The following DYM variants were observed in gnomAD, a reference collection of about 807,000 sequenced individuals.
DYM encodes the protein dyggve-Melchior-Clausen syndrome protein.
DYM carries 78 observed loss-of-function variants against 93.1 expected under a neutral mutation model. That is an observed-to-expected ratio of 0.84 (90% CI 0.70 to 1.01). DYM has a LOEUF of 1.01. Among genes scored for constraint, DYM ranks in the 50% least tolerant of loss-of-function variants. The pLI, the probability that DYM is intolerant of heterozygous loss-of-function variation, is 0.00. For synonymous variants in DYM, 321 were observed against 319.7 expected (o/e 1.00, Z -0.04); for missense variants, 789 against 845.0 (o/e 0.93, Z 0.82).
intron 17 of DYM, among the ~76,000 whole-genome samples, chr18:49,056,595 T>G (rs2075503738): frequency 1.3e-5 from 2 of 152,332 alleles, no homozygotes; most frequent in Non-Finnish European, 2.9e-5. Flanking sequence ...TGGAGTGCAT[T>G]GGTGTGATCT....
rs1342215424 is a variant in DYM, at chr18:49,042,070, T to C, written c.*1985A>G. The stretch of plus-strand genomic sequence containing the variant: ...TATTTCCCCACATAGTAAATACATA[T>C]CCTTGCTACCTGAAATGATAATCAT... On this transcript the variant is annotated 3_prime_UTR_variant, in exon 18 of 18. Coordinates refer to ENST00000675505, the MANE Select transcript of DYM (RefSeq NM_001353214.3). 1.3e-5 allele frequency: 2 copies of C among 152,400 alleles called. No homozygotes were observed. The highest frequency in any genetic ancestry group is 6.5e-5 in the Admixed American group (1 of 15,282). 9.4% of individuals were successfully genotyped at this position (152,400 alleles called of 1,614,324 possible).
chr18:49,248,368 T>C (rs1048130622), intron 13 of DYM, among the ~76,000 whole-genome samples: 1 of 152,192 alleles, frequency 6.6e-6, no homozygotes, highest in African/African-American at 2.4e-5. Flanking sequence ...ATTCAAAATA[T>C]CTCAAAAATG....
chr18:49,086,130 A>G (rs2078502653), intron 17 of DYM, among the ~76,000 whole-genome samples: 1 of 152,170 alleles, frequency 6.6e-6, no homozygotes, highest in Non-Finnish European at 1.5e-5. Flanking sequence ...CATGTGTCCT[A>G]GTCCATTTTC....
At chr18:49,266,408 G>A (rs1349969491) in intron 11 of DYM, among the ~76,000 whole-genome samples, 1 of 152,130 alleles carries the variant, frequency 6.6e-6, no homozygotes, top group Non-Finnish European at 1.5e-5. Context: ...TTGAGACCAG[G>A]AGTTTGAGAC....
chr18:49,374,852 G>T (rs958864376), intron 5 of DYM, among the ~76,000 whole-genome samples: 10 of 152,030 alleles, frequency 6.6e-5, no homozygotes, highest in African/African-American at 2.2e-4. Context: ...CCAGATACTT[G>T]GGAGGCTGAG....
intron 6 of DYM, among the ~76,000 whole-genome samples, chr18:49,341,915 C>G (rs1270244855): frequency 6.6e-6 from 1 of 152,122 alleles, no homozygotes; most frequent in East Asian, 1.9e-4. Context: ...GTTCTATCAG[C>G]ACTGTATTAG....
At chr18:49,152,118 A>C (rs2085883298) in intron 15 of DYM, among the ~76,000 whole-genome samples, 1 of 152,186 alleles carries the variant, frequency 6.6e-6, no homozygotes, top group Non-Finnish European at 1.5e-5. Context: ...CAATGCAAAC[A>C]CATCCTATTT....
chr18:49,062,574 G>C (rs1224430588), intron 17 of DYM, among the ~76,000 whole-genome samples: 2 of 152,204 alleles, frequency 1.3e-5, no homozygotes, highest in Admixed American at 1.3e-4. Context: ...CTAGACTCCA[G>C]GTGCTTTGCA....
intron 2 of DYM, among the ~76,000 whole-genome samples, chr18:49,401,232 C>T (rs2070778510): frequency 6.6e-6 from 1 of 152,112 alleles, no homozygotes; most frequent in Non-Finnish European, 1.5e-5. Context: ...ATCTCTTAGT[C>T]AAAGTAGCTA....
At chr18:49,414,779 C>T (rs997979866) in intron 2 of DYM, among the ~76,000 whole-genome samples, 5 of 152,140 alleles carry the variant, frequency 3.3e-5, no homozygotes, top group African/African-American at 1.2e-4. Context: ...CACCTCACTC[C>T]GCTTCGCTTT....
intron 14 of DYM, among the ~76,000 whole-genome samples, chr18:49,168,079 CAAT>C (rs2088144789): frequency 2.0e-5 from 3 of 151,744 alleles, no homozygotes; most frequent in Admixed American, 2.0e-4. Flanking sequence ...AAATGAAAAA[CAAT>C]ATTACACATC....
intron 2 of DYM, among the ~76,000 whole-genome samples, chr18:49,400,212 A>G (rs1474215415): frequency 1.3e-5 from 2 of 152,114 alleles, no homozygotes; most frequent in Non-Finnish European, 2.9e-5. Flanking sequence ...AAGTGCTGAG[A>G]TTACAGGTGT....
At chr18:49,367,023 A>T (rs1272015841) in intron 5 of DYM, among the ~76,000 whole-genome samples, 2 of 152,178 alleles carry the variant, frequency 1.3e-5, no homozygotes, top group Non-Finnish European at 2.9e-5. Flanking sequence ...AAGTTGGGGG[A>T]AAATATTCAA....
At chr18:49,209,787 A>G in intron 13 of DYM, 72 bp from the exon 14 acceptor site, 1 of 1,051,458 alleles carries the variant, frequency 9.5e-7, no homozygotes, top group South Asian at 1.9e-5. Context: ...ATCATTTTTT[A>G]TGTCCTCAAA....
chr18:49,288,978 T>C (rs1302980753), intron 8 of DYM, among the ~76,000 whole-genome samples: 3 of 152,110 alleles, frequency 2.0e-5, no homozygotes, highest in Non-Finnish European at 2.9e-5. Flanking sequence ...TATACAACCA[T>C]TCACATAGTA....
chr18:49,129,204 G>C (rs1301508618), intron 15 of DYM, among the ~76,000 whole-genome samples: 1 of 152,014 alleles, frequency 6.6e-6, no homozygotes, highest in Admixed American at 6.6e-5. Flanking sequence ...TTTTGCCATG[G>C]ACAGGGCACG....
intron 8 of DYM, among the ~76,000 whole-genome samples, chr18:49,310,137 G>A (rs1199487179): frequency 2.0e-5 from 3 of 152,156 alleles, no homozygotes; most frequent in Non-Finnish European, 4.4e-5. Flanking sequence ...GGGTAGACAC[G>A]TCAAGTGATT....
chr18:49,105,042 A>G (rs1476564455), intron 16 of DYM, among the ~76,000 whole-genome samples: 1 of 152,104 alleles, frequency 6.6e-6, no homozygotes, highest in Non-Finnish European at 1.5e-5. Flanking sequence ...CTGGTCCTGG[A>G]CTTTTTTTGG....
intron 15 of DYM, among the ~76,000 whole-genome samples, chr18:49,141,242 A>G (rs1384638744): frequency 6.6e-6 from 1 of 152,160 alleles, no homozygotes; most frequent in Non-Finnish European, 1.5e-5. Flanking sequence ...ATCTCTCAGC[A>G]TGTTGACAAC....
Sources: allele counts gnomAD v4.1 joint callset (sites outside exome capture counted in the v4.1 genomes callset), GRCh38; gene constraint gnomAD v4.1.1; transcripts MANE v1.5; gene names NCBI Gene and HGNC (gene_info 2026-07-23, HGNC 2026-07-21).